PTK2: variants seen among roughly 807,000 people sequenced by gnomAD.
PTK2 encodes the protein protein tyrosine kinase 2.
A neutral mutation model predicts 150.1 loss-of-function variants in PTK2; 45 were observed. The ratio of observed to expected loss-of-function variants is 0.30; its 90% CI spans 0.24 to 0.38. The LOEUF is 0.38. Among genes scored for constraint, PTK2 ranks in the 10% least tolerant of loss-of-function variants. PTK2 has a pLI of 1.00. For synonymous variants in PTK2, 432 were observed against 449.2 expected, an observed-to-expected ratio of 0.96 and a Z score of 0.48; for missense variants, 919 against 1,307.3, an observed-to-expected ratio of 0.70 and a Z score of 4.58.
At chr8:140,890,318 C>A in intron 3 of PTK2, 1 of 407,206 alleles carries the variant, frequency 2.5e-6, no homozygotes, top group Non-Finnish European at 4.3e-6. Flanking sequence ...TATTTTATGA[C>A]TAAAATATGA....
In PTK2 at chr8:140,669,740, TGTCGAACGGAAG is replaced by T; in HGVS notation, c.2710-1328_2710-1317del. On this transcript the variant is annotated intron_variant, in intron 29 of 31. Coordinates refer to ENST00000522684, the Ensembl canonical transcript of PTK2. Reference sequence around the variant, plus strand: ...CGATGTGCTTACCCTCCATGGCTATTGTCGAACGGAAGGTGAGGAAAAGTTAAAGGAATTTAT... The same window carrying T: ...CGATGTGCTTACCCTCCATGGCTATTGTGAGGAAAAGTTAAAGGAATTTAT... 1 of 1,533,998 alleles carries T rather than the reference TGTCGAACGGAAG, an allele frequency of 6.5e-7. No homozygotes were observed. Among genetic ancestry groups the T allele is most frequent in the Non-Finnish European group, 8.7e-7 (1 of 1,145,172 alleles).
At chr8:140,874,985 A>G (rs1478210935) in intron 4 of PTK2, among the ~76,000 whole-genome samples, 3 of 152,232 alleles carry the variant, frequency 2.0e-5, no homozygotes, top group Non-Finnish European at 2.9e-5. Context: ...TCCCTGAGAA[A>G]GATAAACAAC....
chr8:140,889,302 T>G (rs181908083), intron 3 of PTK2, among the ~76,000 whole-genome samples: 334 of 152,320 alleles, frequency 2.2e-3, no homozygotes, highest in Non-Finnish European at 4.0e-3. Context: ...CGATCTCAGC[T>G]CACTGCAACC....
At chr8:140,939,930 A>C (rs1290384122) in intron 1 of PTK2, among the ~76,000 whole-genome samples, 1 of 152,226 alleles carries the variant, frequency 6.6e-6, no homozygotes, top group Non-Finnish European at 1.5e-5. Context: ...AACAACTCCA[A>C]ATCACCAAGG....
chr8:140,806,484 ATC>A (rs2100098261), intron 10 of PTK2, among the ~76,000 whole-genome samples: 1 of 152,198 alleles, frequency 6.6e-6, no homozygotes, highest in South Asian at 2.1e-4. Context: ...GAGGAATACT[ATC>A]TCAATTAGTC....
At chr8:140,699,542 C>T (rs1412805091) in intron 26 of PTK2, among the ~76,000 whole-genome samples, 1 of 152,292 alleles carries the variant, frequency 6.6e-6, no homozygotes, top group Non-Finnish European at 1.5e-5. Flanking sequence ...ATGCATATGT[C>T]CAGACACATC....
rs1426106964 is a variant in PTK2, at chr8:141,000,035, CTT to C, written c.-122+1088_-122+1089del. Reference sequence around the variant, plus strand: ...ACTCGGAAAAAAAAAAAAAAAGAAACTTTACCCTCACTGAATTTAGCTACAAA... The same window carrying C: ...ACTCGGAAAAAAAAAAAAAAAGAAACTACCCTCACTGAATTTAGCTACAAA... On this transcript the variant is annotated intron_variant, in intron 1 of 31. Coordinates refer to ENST00000522684, the Ensembl canonical transcript of PTK2. 3.8e-3 allele frequency among the ~76,000 whole-genome samples: 533 copies of C among 141,570 alleles called. 5 individuals carry two copies. Among genetic ancestry groups the C allele is most frequent in the African/African-American group, 0.013 (496 of 38,004 alleles). 92.9% of individuals were successfully genotyped at this position (141,570 alleles called of 152,430 possible).
intron 7 of PTK2, among the ~76,000 whole-genome samples, chr8:140,841,918 A>G (rs1809876336): frequency 6.6e-6 from 1 of 151,632 alleles, no homozygotes. Flanking sequence ...TTACATTGTT[A>G]TTAACCTGAA....
chr8:140,931,574 A>T (rs1346205503), intron 1 of PTK2, among the ~76,000 whole-genome samples: 1 of 152,190 alleles, frequency 6.6e-6, no homozygotes, highest in Non-Finnish European at 1.5e-5. Context: ...GTTTTAAAAA[A>T]AATTTTTAAA....
intron 22 of PTK2, among the ~76,000 whole-genome samples, chr8:140,732,882 A>G (rs370849284): frequency 2.6e-5 from 4 of 152,124 alleles, no homozygotes; most frequent in East Asian, 1.9e-4. Flanking sequence ...GATGGGTAAG[A>G]TCTCCCCAAA....
chr8:140,710,506 T>C (rs2100036212), intron 23 of PTK2, among the ~76,000 whole-genome samples: 1 of 151,994 alleles, frequency 6.6e-6, no homozygotes, highest in African/African-American at 2.4e-5. Context: ...CTGTCTTTAC[T>C]AAAAATACAA....
intron 7 of PTK2, among the ~76,000 whole-genome samples, chr8:140,832,359 A>G (rs1481847031): frequency 6.6e-6 from 1 of 152,124 alleles, no homozygotes. Flanking sequence ...CCAGCCTCAG[A>G]GAGTTCTTAA....
At chr8:140,897,402 C>T (rs879564419) in intron 2 of PTK2, among the ~76,000 whole-genome samples, 1 of 152,150 alleles carries the variant, frequency 6.6e-6, no homozygotes, top group Admixed American at 6.5e-5. Context: ...TTGTTTTACA[C>T]TTTAATGTTT....
chr8:140,870,629 C>A (rs923025493), intron 4 of PTK2, among the ~76,000 whole-genome samples: 3 of 152,106 alleles, frequency 2.0e-5, no homozygotes, highest in African/African-American at 4.8e-5. Context: ...GTAGGACAAG[C>A]AACACAGCTT....
At chr8:140,798,581 G>A (rs2154592497) in intron 12 of PTK2, among the ~76,000 whole-genome samples, 1 of 152,242 alleles carries the variant, frequency 6.6e-6, no homozygotes, top group East Asian at 1.9e-4. Flanking sequence ...AGCTAATAGT[G>A]AAATCAACAC....
At chr8:140,700,372 G>A (rs1238489343) in intron 26 of PTK2, among the ~76,000 whole-genome samples, 1 of 151,680 alleles carries the variant, frequency 6.6e-6, no homozygotes, top group Non-Finnish European at 1.5e-5. Flanking sequence ...GGGTCTTGCT[G>A]TGTTGCCCAG....
In PTK2 at chr8:140,950,563, G is replaced by A. The variant is rs1334363749; in HGVS notation, c.-121-24814C>T. 2.6e-5 allele frequency among the ~76,000 whole-genome samples: 4 copies of A among 152,252 alleles called. No homozygotes were observed. In the East Asian group the frequency reaches 7.7e-4, roughly 29 times the overall value. On this transcript the variant is annotated intron_variant, in intron 1 of 31. Coordinates refer to ENST00000522684, the Ensembl canonical transcript of PTK2. Reference sequence around the variant, plus strand: ...CGCCTGGCTCGCCCTTGGCAGGTGTGGGATCCAGGCTTGTAGTGTGAGCCA... The same window carrying A: ...CGCCTGGCTCGCCCTTGGCAGGTGTAGGATCCAGGCTTGTAGTGTGAGCCA...
In PTK2 at chr8:140,761,018, T is replaced by C. The variant is rs140657701; in HGVS notation, c.1332+147A>G. The C allele has an allele frequency of 3.3e-3, 1,977 of 590,666 alleles. 9 individuals carry two copies. The highest frequency in any genetic ancestry group is 4.7e-3 in the Non-Finnish European group (1,624 of 344,496). The allele number at this position is 590,666 out of a possible 1,614,324, so 36.6% of individuals were successfully genotyped here. A position where few individuals can be genotyped will look rare whatever the true frequency, so the allele number is the denominator to read the frequency against. ...TTTTGGTTTCTGAATACGCCAAGTA[T>C]AAGCTGACATTTATGAAGAGCTTTA... On this transcript the variant is annotated intron_variant, in intron 16 of 31. Coordinates refer to ENST00000522684, the Ensembl canonical transcript of PTK2.
intron 2 of PTK2, among the ~76,000 whole-genome samples, chr8:140,903,104 T>C (rs1470232596): frequency 6.6e-6 from 1 of 152,152 alleles, no homozygotes; most frequent in Non-Finnish European, 1.5e-5. Flanking sequence ...AGGGTTTTTA[T>C]GGTTTTAGGT....
Sources: gnomAD v4.1 joint callset for allele counts (sites outside exome capture counted in the v4.1 genomes callset) on GRCh38, gnomAD v4.1.1 for gene constraint, MANE v1.5 for transcripts, NCBI Gene and HGNC (gene_info 2026-07-23, HGNC 2026-07-21) for gene names.